The following DCX variants were observed in gnomAD, a reference collection of about 807,000 sequenced individuals.
The protein encoded by DCX is doublecortin.
A neutral mutation model predicts 20.9 loss-of-function variants in DCX; 4 were observed. That is an observed-to-expected ratio of 0.19 (90% CI 0.09 to 0.44). The LOEUF is 0.44. Among genes scored for constraint, DCX ranks in the 20% least tolerant of loss-of-function variants. The pLI, the probability that DCX is intolerant of heterozygous loss-of-function variation, is 0.99. For missense variants in DCX, 133 were observed against 296.9 expected, an observed-to-expected ratio of 0.45 and a Z score of 4.06; for synonymous variants, 103 against 111.4, an observed-to-expected ratio of 0.92 and a Z score of 0.47.
At position 111,379,552 on chromosome X, in the gene DCX, T is replaced by A. The variant is rs373908041; in HGVS notation, c.705+21438A>T. On this transcript the variant is annotated intron_variant, in intron 3 of 6. Coordinates refer to ENST00000636035, the MANE Select transcript of DCX (RefSeq NM_001195553.2). ...ACGTTATAGCATGTCATCACTTGATTTTTTATGCCTGAATAATATTCCATT... is the reference window on the plus strand; with the variant it reads ...ACGTTATAGCATGTCATCACTTGATATTTTATGCCTGAATAATATTCCATT... Among the ~76,000 whole-genome samples the A allele has an allele frequency of 8.9e-5, 10 of 112,421 alleles. No homozygotes were observed. In the East Asian group the frequency reaches 2.0e-3, roughly 22 times the overall value.
At chrX:111,381,314 G>A (rs1477326936) in intron 3 of DCX, among the ~76,000 whole-genome samples, 4 of 110,525 alleles carry the variant, frequency 3.6e-5, no homozygotes, top group Non-Finnish European at 7.6e-5. Flanking sequence ...AAAATATAGT[G>A]CAAAGGATTA....
chrX:111,381,966 T>C (rs1459493183), intron 3 of DCX, among the ~76,000 whole-genome samples: 2 of 112,032 alleles, frequency 1.8e-5, no homozygotes, highest in African/African-American at 6.5e-5. Flanking sequence ...ACCATCCCTG[T>C]ACCTTATTTT....
intron 3 of DCX, among the ~76,000 whole-genome samples, chrX:111,352,963 G>A (rs146257152): frequency 0.016 from 1,752 of 111,168 alleles, 41 homozygotes; most frequent in African/African-American, 0.054. Flanking sequence ...ACACAATGGT[G>A]TTTTAGAGGC....
At chrX:111,352,837 C>G (rs868236380) in intron 3 of DCX, among the ~76,000 whole-genome samples, 25 of 90,140 alleles carry the variant, frequency 2.8e-4, no homozygotes, top group East Asian at 1.1e-3. Context: ...GACAGACAGA[C>G]AGAGAGAGAG....
chrX:111,410,482 G>T, intron 1 of DCX, 62 bp from the exon 2 acceptor site: 1 of 1,171,356 alleles, frequency 8.5e-7, no homozygotes, highest in African/African-American at 1.8e-5. Flanking sequence ...ACAAGGAGAA[G>T]GAAAAAAGAA....
At position 111,295,652 on chromosome X, in the gene DCX, C is replaced by A. The variant is rs977198827; in HGVS notation, c.*6035G>T. On this transcript the variant is annotated 3_prime_UTR_variant, in exon 7 of 7. Coordinates refer to ENST00000636035, the MANE Select transcript of DCX (RefSeq NM_001195553.2). ...AAATTATGGGCACATCAAACAAAAT[C>A]AATTATTAGTATTTAGCTGATATAA... 1 of 111,921 alleles carries A rather than the reference C, an allele frequency of 8.9e-6. No homozygotes were observed. Among genetic ancestry groups the A allele is most frequent in the African/African-American group, 3.3e-5 (1 of 30,647 alleles). 9.2% of individuals were successfully genotyped at this position (111,921 alleles called of 1,213,427 possible).
At chrX:111,380,138 T>C (rs1210351968) in intron 3 of DCX, among the ~76,000 whole-genome samples, 1 of 112,076 alleles carries the variant, frequency 8.9e-6, no homozygotes, top group Admixed American at 9.5e-5. Context: ...GAGTCATATT[T>C]CCACTTTATT....
chrX:111,411,271 A>G (rs1331058266), intron 1 of DCX: 1 of 269,189 alleles, frequency 3.7e-6, no homozygotes, highest in African/African-American at 4.1e-5. Flanking sequence ...CTCCCCACTG[A>G]TGCAGCAACA....
At chrX:111,360,113 A>ATTG (rs1924083527) in intron 3 of DCX, among the ~76,000 whole-genome samples, 1 of 112,137 alleles carries the variant, frequency 8.9e-6, no homozygotes, top group Non-Finnish European at 1.9e-5. Context: ...CAATATATCC[A>ATTG]TACTATAGAA....
At chrX:111,316,161 C>G (rs1302753507) in intron 5 of DCX, among the ~76,000 whole-genome samples, 1 of 106,462 alleles carries the variant, frequency 9.4e-6, no homozygotes, top group Non-Finnish European at 1.9e-5. Flanking sequence ...ACTGAATGGG[C>G]AAAAGCTGGA....
chrX:111,349,557 G>A (rs989660252), intron 3 of DCX, among the ~76,000 whole-genome samples: 4 of 111,092 alleles, frequency 3.6e-5, no homozygotes, highest in Non-Finnish European at 7.5e-5. Context: ...GTGGTTGGTT[G>A]AGGACAGGAA....
chrX:111,389,741 C>T (rs913780746), intron 3 of DCX, among the ~76,000 whole-genome samples: 1 of 111,333 alleles, frequency 9.0e-6, no homozygotes, highest in Non-Finnish European at 1.9e-5. Context: ...AACCCTACTT[C>T]TTGCCCTGGC....
intron 6 of DCX, among the ~76,000 whole-genome samples, chrX:111,307,413 C>T (rs770250311): frequency 4.8e-4 from 53 of 109,831 alleles, no homozygotes; most frequent in Non-Finnish European, 8.9e-4. Context: ...TATAGTTGTT[C>T]GCTCTATTAC....
intron 6 of DCX, among the ~76,000 whole-genome samples, chrX:111,310,749 C>A (rs149543350): frequency 8.9e-6 from 1 of 112,332 alleles, no homozygotes; most frequent in Non-Finnish European, 1.9e-5. Flanking sequence ...GAAGCTCTGA[C>A]AATGCTGCCA....
chrX:111,388,157 T>C (rs1926664128), intron 3 of DCX, among the ~76,000 whole-genome samples: 2 of 111,960 alleles, frequency 1.8e-5, no homozygotes, highest in Non-Finnish European at 1.9e-5. Context: ...AGGATTTTCC[T>C]AACCTCTTAC....
At chrX:111,322,250 G>A (rs1358977310) in intron 5 of DCX, among the ~76,000 whole-genome samples, 1 of 111,497 alleles carries the variant, frequency 9.0e-6, no homozygotes, top group Non-Finnish European at 1.9e-5. Context: ...CTCAGAGAGG[G>A]TATGGCTTGC....
intron 3 of DCX, among the ~76,000 whole-genome samples, chrX:111,334,214 T>C (rs891106494): frequency 9.8e-5 from 11 of 111,841 alleles, no homozygotes; most frequent in African/African-American, 2.6e-4. Context: ...CAATCCCTGT[T>C]TTCCCAATCA....
intron 3 of DCX, among the ~76,000 whole-genome samples, chrX:111,349,308 TAA>T (rs1923119441): frequency 9.0e-6 from 1 of 111,317 alleles, no homozygotes. Flanking sequence ...CCCAGAGGCT[TAA>T]CTGTACCCCC....
intron 3 of DCX, among the ~76,000 whole-genome samples, chrX:111,386,260 C>T (rs764620959): frequency 9.0e-6 from 1 of 111,219 alleles, no homozygotes; most frequent in East Asian, 2.8e-4. Context: ...GAGTAGCCAA[C>T]CTCCATACCG....
Sources: gnomAD v4.1 joint callset for allele counts (sites outside exome capture counted in the v4.1 genomes callset) on GRCh38, gnomAD v4.1.1 for gene constraint, MANE v1.5 for transcripts, NCBI Gene and HGNC (gene_info 2026-07-23, HGNC 2026-07-21) for gene names.